EFNB3: variants seen among roughly 807,000 people sequenced by gnomAD.
EFNB3 encodes the protein ephrin-B3.
In EFNB3, 14 loss-of-function variants were observed where a neutral mutation model predicts 29.8. The observed-to-expected ratio is 0.47, with a 90% CI of 0.31 to 0.73. EFNB3 has a LOEUF of 0.73. Among genes scored for constraint, EFNB3 ranks in the 30% least tolerant of loss-of-function variants. The pLI, the probability that EFNB3 is intolerant of heterozygous loss-of-function variation, is 0.05. For synonymous variants in EFNB3, 216 were observed against 191.6 expected (o/e 1.13, Z -1.05); for missense variants, 408 against 458.0 (o/e 0.89, Z 1.00).
chr17:7,709,973 T>C lies in EFNB3; in HGVS notation c.*397T>C. ...TCACTGGTTTTCTCTTCTCTATCTCTTATTCTTTCCCTCTCTTCCGTCTCT... is the reference window on the plus strand; with the variant it reads ...TCACTGGTTTTCTCTTCTCTATCTCCTATTCTTTCCCTCTCTTCCGTCTCT... On this transcript the variant is annotated 3_prime_UTR_variant, in exon 5 of 5. Transcript: ENST00000226091. This position sits in a 1 kb window ranked among gnomAD's most constrained non-coding sequence, Gnocchi z 4.5. The C allele has an allele frequency of 3.1e-6, 1 of 320,388 alleles. No individual in the cohort carries two copies. The allele number at this position is 320,388 out of a possible 1,614,324, so 19.8% of individuals were successfully genotyped here.
chr17:7,708,794 C>T lies in EFNB3; in HGVS notation c.613+55C>T. 6.9e-7 allele frequency: 1 copy of T among 1,450,984 alleles called. No individual in the cohort carries two copies. The highest frequency in any genetic ancestry group is 9.2e-7 in the Non-Finnish European group (1 of 1,087,286). The allele number at this position is 1,450,984 out of a possible 1,614,324, so 89.9% of individuals were successfully genotyped here. On this transcript the variant is annotated intron_variant, in intron 4 of 4. Coordinates refer to ENST00000226091, the MANE Select transcript of EFNB3 (RefSeq NM_001406.4). The surrounding 1 kb of genome is among the most constrained non-coding windows in gnomAD (Gnocchi z 6.8). Reference sequence around the variant, plus strand: ...CCCCAGCTTCCTCTGCTCTCAGACCCCAGCTGCCCTGCCGTCACCCTCCCT... The same window carrying T: ...CCCCAGCTTCCTCTGCTCTCAGACCTCAGCTGCCCTGCCGTCACCCTCCCT...
Position 7,705,799 on chromosome 17 carries a change from C to A in EFNB3, c.122+79C>A, listed in dbSNP as rs1597426033. The A allele has an allele frequency of 6.7e-7, 1 of 1,488,920 alleles. No individual in the cohort carries two copies. Among genetic ancestry groups the A allele is most frequent in the Non-Finnish European group, 8.8e-7 (1 of 1,130,424 alleles). 92.2% of individuals were successfully genotyped at this position (1,488,920 alleles called of 1,614,324 possible). On this transcript the variant is annotated intron_variant, in intron 1 of 4. Coordinates refer to ENST00000226091, the MANE Select transcript of EFNB3 (RefSeq NM_001406.4). The surrounding 1 kb of genome is among the most constrained non-coding windows in gnomAD (Gnocchi z 5.4). ...GCTCTGGGGGCTTGGAGGCGGGCTT[C>A]TGTGGGCAGGGAGGAGGCGGGAGGG... is the stretch of plus-strand genomic sequence containing the variant.
rs1274090749 is a variant in EFNB3 at position 7,708,772 on chromosome 17, C to T, written c.613+33C>T. On this transcript the variant is annotated intron_variant, in intron 4 of 4. Transcript: ENST00000226091. This position sits in a 1 kb window ranked among gnomAD's most constrained non-coding sequence, Gnocchi z 6.8. The stretch of plus-strand genomic sequence containing the variant: ...CCAGGGGCTAGGCCCCTGCCTTCCC[C>T]AGCTTCCTCTGCTCTCAGACCCCAG... The T allele has an allele frequency of 1.3e-6, 2 of 1,505,138 alleles. No individual in the cohort carries two copies. Among genetic ancestry groups the T allele is most frequent in the Non-Finnish European group, 1.8e-6 (2 of 1,124,612 alleles). 93.2% of individuals were successfully genotyped at this position (1,505,138 alleles called of 1,614,324 possible).
rs181284543 is a variant in EFNB3, at chr17:7,710,560, A to G, written c.*984A>G. On this transcript the variant is annotated 3_prime_UTR_variant, in exon 5 of 5. Transcript: ENST00000226091. ...AGGAAGTGGTCTGGCTGGAACTCCA[A>G]GTGGCTTAGTCTGGGGGATCAGGAG... is the stretch of plus-strand genomic sequence containing the variant. The G allele has an allele frequency of 6.5e-6, 1 of 152,902 alleles. No homozygotes were observed. Among genetic ancestry groups the G allele is most frequent in the Admixed American group, 6.5e-5 (1 of 15,302 alleles). 9.5% of individuals were successfully genotyped at this position (152,902 alleles called of 1,614,324 possible). A position where few individuals can be genotyped will look rare whatever the true frequency, so the allele number is the denominator to read the frequency against.
In EFNB3 at chr17:7,708,409, C is replaced by G. The variant is rs778290122; in HGVS notation, c.416-26C>G. 6.2e-7 allele frequency: 1 copy of G among 1,605,764 alleles called. No individual in the cohort carries two copies. Among genetic ancestry groups the G allele is most frequent in the African/African-American group, 1.3e-5 (1 of 74,792 alleles). ...CAGGGCTAGATTCTGGAGTGCCAAC[C>G]TCTTCCTCTGGCTTTTCTCTCCCAG... On this transcript the variant is annotated intron_variant, in intron 2 of 4. Transcript: ENST00000226091. This position sits in a 1 kb window ranked among gnomAD's most constrained non-coding sequence, Gnocchi z 6.8.
rs945115986 is a variant in EFNB3, at chr17:7,709,412, G to A, written c.859G>A (p.Glu287Lys). The change falls in exon 5 of 5, where the codon GAG (glutamate) becomes AAG (lysine). Residue 287 changes from glutamate (E) to lysine (K), a missense_variant. This residue lies in a region of EFNB3 where 233 missense variants were observed against 230.7 expected (regional missense o/e 1.01). Transcript: ENST00000226091. The surrounding 1 kb of genome is among the most constrained non-coding windows in gnomAD (Gnocchi z 4.5). ...GGGTGGAGGTGGGATGGGACCTCGG[G>A]AGGCTGAGCCTGGGGAGCTAGGGAT... Reference protein sequence around the residue: ...LGGGGGMGPREAEPGELGIAL... With the variant: ...LGGGGGMGPRKAEPGELGIAL... 2 of 1,608,636 alleles carry A rather than the reference G, an allele frequency of 1.2e-6. No homozygotes were observed. The highest frequency in any genetic ancestry group is 2.7e-5 in the African/African-American group (2 of 74,772).
At position 7,709,577 on chromosome 17, in the gene EFNB3, G is replaced by A; in HGVS notation, c.*1G>A. 1 of 1,613,828 alleles carries A rather than the reference G, an allele frequency of 6.2e-7. No individual in the cohort carries two copies. Among genetic ancestry groups the A allele is most frequent in the Admixed American group, 1.7e-5 (1 of 60,004 alleles). On this transcript the variant is annotated 3_prime_UTR_variant, in exon 5 of 5. Transcript: ENST00000226091. This position sits in a 1 kb window ranked among gnomAD's most constrained non-coding sequence, Gnocchi z 4.5. ...TCCAAACATCTACTACAAGGTATGA[G>A]GGCTCCTCTCACGTGGCTATCCTGA...
chr17:7,707,868 T>C, intron 1 of EFNB3, 90 bp from the exon 2 acceptor site: 1 of 1,434,314 alleles, frequency 7.0e-7, no homozygotes, highest in East Asian at 2.3e-5. Context: ...AGAATTGCTG[T>C]CCTGGAAGGT....
Position 7,705,765 on chromosome 17 carries a change from G to A in EFNB3, c.122+45G>A. 3.9e-6 allele frequency: 6 copies of A among 1,520,522 alleles called. No individual in the cohort carries two copies. The highest frequency in any genetic ancestry group is 4.3e-6 in the Non-Finnish European group (5 of 1,149,614). The allele number at this position is 1,520,522 out of a possible 1,614,324, so 94.2% of individuals were successfully genotyped here. A position where few individuals can be genotyped will look rare whatever the true frequency, so the allele number is the denominator to read the frequency against. On this transcript the variant is annotated intron_variant, in intron 1 of 4. Transcript: ENST00000226091. This position sits in a 1 kb window ranked among gnomAD's most constrained non-coding sequence, Gnocchi z 5.4. ...GGAGATCCCAGACCCTAGGGCAGTG[G>A]GTAGGGAAGCTCTGGGGGCTTGGAG...
Position 7,710,199 on chromosome 17 carries a change from A to C in EFNB3, c.*623A>C. On this transcript the variant is annotated 3_prime_UTR_variant, in exon 5 of 5. Coordinates refer to ENST00000226091, the MANE Select transcript of EFNB3 (RefSeq NM_001406.4). ...GGGGCCTTATGGGGAAGGCTCTGAC[A>C]CTCCACCCCAGCTCAGGCCATGGGC... 6.2e-6 allele frequency: 1 copy of C among 161,522 alleles called. No homozygotes were observed. Among genetic ancestry groups the C allele is most frequent in the Non-Finnish European group, 1.3e-5 (1 of 75,216 alleles). 10.0% of individuals were successfully genotyped at this position (161,522 alleles called of 1,614,324 possible). A position where few individuals can be genotyped will look rare whatever the true frequency, so the allele number is the denominator to read the frequency against.
At position 7,709,801 on chromosome 17, in the gene EFNB3, G is replaced by T. The variant is rs1207496104; in HGVS notation, c.*225G>T. ...GCCATGGGTGCCCCCCTCTGTCTCA[G>T]TGTCCCTGGATCCTTTTTCCTTGGG... is the stretch of plus-strand genomic sequence containing the variant. On this transcript the variant is annotated 3_prime_UTR_variant, in exon 5 of 5. Transcript: ENST00000226091. This position sits in a 1 kb window ranked among gnomAD's most constrained non-coding sequence, Gnocchi z 4.5. 2.6e-5 allele frequency: 16 copies of T among 608,822 alleles called. 1 individual carries two copies. The highest frequency in any genetic ancestry group is 4.1e-5 in the Non-Finnish European group (14 of 345,518). 37.7% of individuals were successfully genotyped at this position (608,822 alleles called of 1,614,324 possible). A position where few individuals can be genotyped will look rare whatever the true frequency, so the allele number is the denominator to read the frequency against.
rs955148669 is a variant in EFNB3, at chr17:7,708,224, G to A, written c.389G>A (p.Arg130His). ...CCTAATCTCTGGGGCCACGAGTTCC[G>A]CTCGCACCACGATTACTACATCATT... ...YSPNLWGHEF[R>H]SHHDYYIIAT... is the part of the protein sequence containing the mutation. The change falls in exon 2 of 5, where the codon CGC becomes CAC. Residue 130 changes from arginine (R) to histidine (H), a missense_variant. By Grantham distance (29) the Arg-to-His change is conservative. This residue lies in a region of EFNB3 where 47 missense variants were observed against 86.6 expected (regional missense o/e 0.54). Coordinates refer to ENST00000226091, the MANE Select transcript of EFNB3 (RefSeq NM_001406.4). This position sits in a 1 kb window ranked among gnomAD's most constrained non-coding sequence, Gnocchi z 6.8. 7 of 1,609,998 alleles carry A rather than the reference G, an allele frequency of 4.3e-6. No individual in the cohort carries two copies. The highest frequency in any genetic ancestry group is 3.4e-6 in the Non-Finnish European group (4 of 1,179,992).
chr17:7,707,378 C>T (rs1384033055), intron 1 of EFNB3, among the ~76,000 whole-genome samples: 1 of 152,224 alleles, frequency 6.6e-6, no homozygotes, highest in Non-Finnish European at 1.5e-5. Flanking sequence ...TGGTTCCCAT[C>T]AGCCCCAATG....
intron 1 of EFNB3, among the ~76,000 whole-genome samples, 161 bp from the exon 2 acceptor site, chr17:7,707,797 T>C (rs1461249781): frequency 6.6e-6 from 1 of 152,162 alleles, no homozygotes; most frequent in Admixed American, 6.5e-5. Context: ...CACAGAGTCC[T>C]TGGTGCCTGC....
At position 7,705,864 on chromosome 17, in the gene EFNB3, G is replaced by A; in HGVS notation, c.122+144G>A. 9.8e-7 allele frequency: 1 copy of A among 1,022,870 alleles called. No homozygotes were observed. Among genetic ancestry groups the A allele is most frequent in the Non-Finnish European group, 1.4e-6 (1 of 732,494 alleles). 63.4% of individuals were successfully genotyped at this position (1,022,870 alleles called of 1,614,324 possible). ...CTGATGTGTGATGGGTTACTAGACA[G>A]GTGATCTTGGGAGCCAGACTCCGGG... On this transcript the variant is annotated intron_variant, in intron 1 of 4. Transcript: ENST00000226091. The surrounding 1 kb of genome is among the most constrained non-coding windows in gnomAD (Gnocchi z 5.4).
Position 7,709,499 on chromosome 17 carries a change from G to T in EFNB3, c.946G>T (p.Gly316Cys). 6.2e-7 allele frequency: 1 copy of T among 1,613,860 alleles called. No individual in the cohort carries two copies. The highest frequency in any genetic ancestry group is 8.5e-7 in the Non-Finnish European group (1 of 1,179,890). The change falls in exon 5 of 5, where the codon GGT becomes TGT. Residue 316 changes from glycine to cysteine, a missense_variant. By Grantham distance (159) the Gly-to-Cys change is radical. This residue lies in a region of EFNB3 where 233 missense variants were observed against 230.7 expected (regional missense o/e 1.01). Transcript: ENST00000226091. The surrounding 1 kb of genome is among the most constrained non-coding windows in gnomAD (Gnocchi z 4.5). ...CTGCCCCCACTATGAGAAGGTGAGTGGTGACTATGGGCATCCTGTGTATAT... is the reference window on the plus strand; with the variant it reads ...CTGCCCCCACTATGAGAAGGTGAGTTGTGACTATGGGCATCCTGTGTATAT... ...PFCPHYEKVS[G>C]DYGHPVYIVQ...
At position 7,708,340 on chromosome 17, in the gene EFNB3, C is replaced by A. The variant is rs2074334693; in HGVS notation, c.415+90C>A. The A allele has an allele frequency of 1.3e-6, 2 of 1,580,828 alleles. No homozygotes were observed. The highest frequency in any genetic ancestry group is 2.3e-5 in the South Asian group (2 of 85,350). On this transcript the variant is annotated intron_variant, in intron 2 of 4. Transcript: ENST00000226091. This position sits in a 1 kb window ranked among gnomAD's most constrained non-coding sequence, Gnocchi z 6.8. The stretch of plus-strand genomic sequence containing the variant: ...ACCCCTGCAGCCAAGAGGGAGATCC[C>A]AGTGCCCTCAGGCAGTGTTCACACC...
rs549048974 is a variant in EFNB3 at position 7,709,035 on chromosome 17, A to G, written c.614-132A>G. The G allele has an allele frequency of 2.1e-6, 2 of 930,404 alleles. No homozygotes were observed. Among genetic ancestry groups the G allele is most frequent in the South Asian group, 3.0e-5 (2 of 67,778 alleles). 57.6% of individuals were successfully genotyped at this position (930,404 alleles called of 1,614,324 possible). A position where few individuals can be genotyped will look rare whatever the true frequency, so the allele number is the denominator to read the frequency against. On this transcript the variant is annotated intron_variant, in intron 4 of 4. Transcript: ENST00000226091. This position sits in a 1 kb window ranked among gnomAD's most constrained non-coding sequence, Gnocchi z 4.5. Reference sequence around the variant, plus strand: ...TCTGAGCAGAGTTCGGAGGGGGAGGAGAGATGGGGTCCCCAAGGGGCCTGG... The same window carrying G: ...TCTGAGCAGAGTTCGGAGGGGGAGGGGAGATGGGGTCCCCAAGGGGCCTGG...
rs776862628 is a variant in EFNB3, at chr17:7,709,270, G to C, written c.717G>C (p.Leu239Phe). The C allele has an allele frequency of 6.3e-7, 1 of 1,584,476 alleles. No individual in the cohort carries two copies. Among genetic ancestry groups the C allele is most frequent in the South Asian group, 1.1e-5 (1 of 88,080 alleles). ...AGAAGGLALLLLGVAGAGGAM... is the reference protein window; with the variant it reads ...AGAAGGLALLFLGVAGAGGAM... ...CAGCAGGGGGGCTGGCGCTGCTCTT[G>C]CTGGGCGTGGCAGGGGCTGGGGGTG... Residue 239 changes from leucine to phenylalanine, a missense_variant, in exon 5 of 5, where the codon TTG becomes TTC. Transcript: ENST00000226091. The surrounding 1 kb of genome is among the most constrained non-coding windows in gnomAD (Gnocchi z 4.5).
Sources: gnomAD v4.1 joint callset for allele counts (sites outside exome capture counted in the v4.1 genomes callset) on GRCh38, gnomAD v4.1.1 for gene constraint, gnomAD v4.1.1 regional missense constraint, Gnocchi (gnomAD v3.1) non-coding constraint, MANE v1.5 for transcripts, NCBI Gene and HGNC (gene_info 2026-07-23, HGNC 2026-07-21) for gene names.